The following AKAP6 variants were observed in gnomAD, a reference collection of about 807,000 sequenced individuals.
AKAP6 encodes A-kinase anchoring protein 6.
In AKAP6, 58 loss-of-function variants were observed where a neutral mutation model predicts 188.5. The ratio of observed to expected loss-of-function variants is 0.31; its 90% CI spans 0.25 to 0.38. The LOEUF is 0.38. AKAP6 is among the 10% of genes least tolerant of loss of function. AKAP6 has a pLI of 1.00. For synonymous variants in AKAP6, 989 were observed against 998.6 expected (o/e 0.99, Z 0.18); for missense variants, 2,710 against 2,740.0 (o/e 0.99, Z 0.24).
intron 1 of AKAP6, among the ~76,000 whole-genome samples, chr14:32,410,010 GC>G (rs1217396153): frequency 6.6e-6 from 1 of 151,976 alleles, no homozygotes; most frequent in Non-Finnish European, 1.5e-5. Flanking sequence ...CTTGACTCTG[GC>G]ATAACATCAC....
chr14:32,656,814 C>T (rs185649259), intron 7 of AKAP6, among the ~76,000 whole-genome samples: 5 of 152,232 alleles, frequency 3.3e-5, no homozygotes, highest in South Asian at 2.1e-4. Flanking sequence ...CAAGGAAGTT[C>T]GTGAGGGTTT....
Position 32,545,876 on chromosome 14 carries a change from A to T in AKAP6, c.1223A>T (p.Asn408Ile), listed in dbSNP as rs17099240. ...ACTTTTAAGAATGATCTGAAAGGCA[A>T]TGGTGGAAAGAGGCAAATGGTTGAT... ...EETFKNDLKG[N>I]GGKRQMVDLK... is the part of the protein sequence containing the mutation. The change falls in exon 4 of 14, where the codon AAT becomes ATT. Residue 408 changes from asparagine to isoleucine, a missense_variant. Physicochemically the swap from Asn to Ile is moderately radical, Grantham distance 149. This residue lies in a region of AKAP6 where 2,473 missense variants were observed against 2,426.1 expected (regional missense o/e 1.02). Transcript: ENST00000280979. 6.2e-7 allele frequency: 1 copy of T among 1,614,090 alleles called. No homozygotes were observed. Among genetic ancestry groups the T allele is most frequent in the Non-Finnish European group, 8.5e-7 (1 of 1,180,010 alleles).
intron 2 of AKAP6, among the ~76,000 whole-genome samples, chr14:32,446,179 A>C (rs1410792832): frequency 6.6e-6 from 1 of 152,232 alleles, no homozygotes; most frequent in African/African-American, 2.4e-5. Context: ...TGTATAGACA[A>C]ATGTAGGATT....
chr14:32,485,640 G>A lies in AKAP6; in HGVS notation c.325-49914G>A, dbSNP rs183048598. Among the ~76,000 whole-genome samples the A allele has an allele frequency of 7.1e-5, 10 of 141,596 alleles. No homozygotes were observed. In the East Asian group the frequency reaches 1.5e-3, roughly 22 times the overall value. The allele number at this position is 141,596 out of a possible 152,430, so 92.9% of individuals were successfully genotyped here. On this transcript the variant is annotated intron_variant, in intron 2 of 13. Coordinates refer to ENST00000280979, the MANE Select transcript of AKAP6 (RefSeq NM_004274.5). The stretch of plus-strand genomic sequence containing the variant: ...TGAGAAGTGTCTGTTCATACCCTTC[G>A]CCCACCTTTTAATGGGGTTGTTTGT...
At chr14:32,770,972 G>A (rs758404719) in intron 11 of AKAP6, among the ~76,000 whole-genome samples, 3 of 152,084 alleles carry the variant, frequency 2.0e-5, no homozygotes, top group Non-Finnish European at 2.9e-5. Context: ...CTGTTTCAAA[G>A]CACATTTTCT....
intron 1 of AKAP6, among the ~76,000 whole-genome samples, chr14:32,330,605 C>T (rs552567772): frequency 9.3e-5 from 14 of 150,580 alleles, no homozygotes; most frequent in South Asian, 2.1e-4. Flanking sequence ...AAGTCTTACA[C>T]GAAAGAATGG....
At chr14:32,699,627 C>A (rs941442625) in intron 9 of AKAP6, among the ~76,000 whole-genome samples, 36 of 152,160 alleles carry the variant, frequency 2.4e-4, no homozygotes, top group Admixed American at 2.0e-4. Context: ...CTGCCAATGA[C>A]TTCCCTTCCC....
At chr14:32,540,168 C>CTCTCTCTCTCTCTCTCTCTATATA (rs1240063339) in intron 3 of AKAP6, among the ~76,000 whole-genome samples, 1 of 60,954 alleles carries the variant, frequency 1.6e-5, no homozygotes, top group African/African-American at 9.8e-5. Flanking sequence ...CTCTCTCTCT[C>CTCTCTCTCTCTCTCTCTCTATATA]TATATATATA....
intron 1 of AKAP6, among the ~76,000 whole-genome samples, chr14:32,353,922 AG>A (rs1487742947): frequency 1.3e-5 from 2 of 152,180 alleles, no homozygotes; most frequent in African/African-American, 2.4e-5. Flanking sequence ...GACCTCTTCA[AG>A]GAGAACTACA....
chr14:32,615,590 A>ATTTTTTTTTTTT (rs1471881281), intron 7 of AKAP6, among the ~76,000 whole-genome samples: 1 of 133,032 alleles, frequency 7.5e-6, no homozygotes, highest in African/African-American at 3.4e-5. Context: ...CTAAACCATT[A>ATTTTTTTTTTTT]CTTTTTTTTT....
At chr14:32,760,808 T>A (rs2032511357) in intron 11 of AKAP6, among the ~76,000 whole-genome samples, 1 of 152,206 alleles carries the variant, frequency 6.6e-6, no homozygotes, top group Non-Finnish European at 1.5e-5. Context: ...TTTCACAGGG[T>A]TGAAATACTG....
intron 2 of AKAP6, among the ~76,000 whole-genome samples, chr14:32,501,270 G>A (rs149478380): frequency 2.6e-5 from 4 of 152,214 alleles, no homozygotes; most frequent in East Asian, 1.9e-4. Context: ...GAAATCCAGT[G>A]TGTATCTTAT....
intron 13 of AKAP6, among the ~76,000 whole-genome samples, chr14:32,829,257 A>C (rs927571346): frequency 7.4e-6 from 1 of 134,504 alleles, no homozygotes; most frequent in Non-Finnish European, 1.7e-5. Flanking sequence ...ACCTTAAATG[A>C]AATGCATTAC....
intron 1 of AKAP6, among the ~76,000 whole-genome samples, chr14:32,361,921 G>A (rs556467039): frequency 1.3e-5 from 2 of 151,788 alleles, no homozygotes; most frequent in Non-Finnish European, 2.9e-5. Context: ...AGTGAGTGCA[G>A]GAACTTGGGC....
intron 7 of AKAP6, among the ~76,000 whole-genome samples, chr14:32,641,638 G>A (rs1282591325): frequency 6.6e-6 from 1 of 152,138 alleles, no homozygotes; most frequent in Non-Finnish European, 1.5e-5. Context: ...TTGAAGACTG[G>A]TGATGGAGAC....
intron 7 of AKAP6, among the ~76,000 whole-genome samples, chr14:32,615,668 T>C (rs1285809761): frequency 2.7e-5 from 4 of 146,826 alleles, no homozygotes; most frequent in Non-Finnish European, 5.9e-5. Context: ...CGATATCTGC[T>C]CACTGCAAGC....
chr14:32,400,507 A>G (rs934113843), intron 1 of AKAP6, among the ~76,000 whole-genome samples: 3 of 129,290 alleles, frequency 2.3e-5, no homozygotes, highest in Non-Finnish European at 3.1e-5. Flanking sequence ...TATTTTATGC[A>G]GCATTTCCAG....
chr14:32,468,968 TG>T (rs1878615053), intron 2 of AKAP6, among the ~76,000 whole-genome samples: 1 of 152,198 alleles, frequency 6.6e-6, no homozygotes, highest in South Asian at 2.1e-4. Flanking sequence ...CCTAGTGGAA[TG>T]TGTGAAAAAC....
intron 9 of AKAP6, among the ~76,000 whole-genome samples, chr14:32,704,934 A>G (rs1890751376): frequency 6.6e-6 from 1 of 152,200 alleles, no homozygotes; most frequent in Non-Finnish European, 1.5e-5. Context: ...TTCCTAAAGC[A>G]GGAATGTGGG....
Sources: gnomAD v4.1 joint callset for allele counts (sites outside exome capture counted in the v4.1 genomes callset) on GRCh38, gnomAD v4.1.1 for gene constraint, gnomAD v4.1.1 regional missense constraint, MANE v1.5 for transcripts, NCBI Gene and HGNC (gene_info 2026-07-23, HGNC 2026-07-21) for gene names.